CEP112: variants seen among roughly 807,000 people sequenced by gnomAD.
CEP112 encodes the protein centrosomal protein of 112 kDa.
Under a neutral mutation model 153.0 loss-of-function variants are expected in CEP112, and 127 were observed. The observed-to-expected ratio is 0.83, with a 90% CI of 0.72 to 0.96. CEP112 has a LOEUF of 0.96. CEP112 is among the 40% of genes least tolerant of loss of function. CEP112 has a pLI of 0.00. For synonymous variants in CEP112, 358 were observed against 374.4 expected (o/e 0.96, Z 0.51); for missense variants, 1,089 against 1,101.2 (o/e 0.99, Z 0.16).
At chr17:65,845,822 T>A (rs2057707283) in intron 21 of CEP112, among the ~76,000 whole-genome samples, 1 of 152,196 alleles carries the variant, frequency 6.6e-6, no homozygotes, top group Non-Finnish European at 1.5e-5. Context: ...ATGTCAATCA[T>A]TTACTCTCTT....
chr17:66,168,296 T>C (rs2072068062), intron 4 of CEP112, among the ~76,000 whole-genome samples: 1 of 152,078 alleles, frequency 6.6e-6, no homozygotes, highest in South Asian at 2.1e-4. Context: ...CTAAAACACA[T>C]ATACACAAAC....
chr17:66,028,574 T>C (rs1345690975), intron 14 of CEP112, among the ~76,000 whole-genome samples, 169 bp from the exon 15 acceptor site: 1 of 151,920 alleles, frequency 6.6e-6, no homozygotes, highest in Non-Finnish European at 1.5e-5. Context: ...AAAAATAATC[T>C]TTTAAAGTAA....
chr17:65,937,568 G>GC (rs2144392788), intron 18 of CEP112, among the ~76,000 whole-genome samples: 1 of 49,398 alleles, frequency 2.0e-5, no homozygotes, highest in African/African-American at 7.0e-5. Flanking sequence ...GAGGGAGGTG[G>GC]GGGGGGTCAG....
chr17:65,878,115 A>C (rs1212125353), intron 20 of CEP112, among the ~76,000 whole-genome samples: 5 of 152,142 alleles, frequency 3.3e-5, no homozygotes, highest in Non-Finnish European at 7.4e-5. Flanking sequence ...AATATATACC[A>C]ATGTGACTAT....
rs571979338 is a variant in CEP112, at chr17:65,651,686, T to C, written c.2698-10621A>G. 6.7e-5 allele frequency among the ~76,000 whole-genome samples: 10 copies of C among 149,322 alleles called. No individual in the cohort carries two copies. The East Asian group carries it at 1.4e-3, about 21-fold the overall frequency. ...TTCTCCTTCCTTCCTTCCTTCCTTC[T>C]TTCCTTCCTTCCTTCCTTTCTTTTC... On this transcript the variant is annotated intron_variant, in intron 24 of 26. Transcript: ENST00000535342.
chr17:65,822,330 G>C (rs1297163320), intron 21 of CEP112, among the ~76,000 whole-genome samples: 4 of 152,030 alleles, frequency 2.6e-5, no homozygotes, highest in Admixed American at 2.6e-4. Flanking sequence ...TTGGTTCCAG[G>C]ACTCCGGTGA....
chr17:65,938,257 A>G (rs2061411153), intron 18 of CEP112, among the ~76,000 whole-genome samples: 1 of 142,690 alleles, frequency 7.0e-6, no homozygotes, highest in African/African-American at 2.6e-5. Context: ...CCTAATCTCA[A>G]GTACCCAGGG....
intron 24 of CEP112, among the ~76,000 whole-genome samples, chr17:65,659,143 T>G (rs1397899235): frequency 6.6e-6 from 1 of 151,550 alleles, no homozygotes; most frequent in Non-Finnish European, 1.5e-5. Flanking sequence ...TGATCAACAG[T>G]GCTACAGATA....
At chr17:66,150,364 A>AT (rs113687658) in intron 4 of CEP112, among the ~76,000 whole-genome samples, 36,664 of 150,758 alleles carry the variant, frequency 0.24, 4,611 homozygotes, top group Middle Eastern at 0.36. Context: ...TGCCCAGCTA[A>AT]TTTTTTTTTG....
chr17:66,148,978 G>A (rs553225133), intron 4 of CEP112, among the ~76,000 whole-genome samples: 1 of 152,214 alleles, frequency 6.6e-6, no homozygotes, highest in Admixed American at 6.5e-5. Context: ...AATAGATGGC[G>A]TTTATTTTGC....
chr17:65,921,860 G>T (rs2060740819), intron 19 of CEP112, among the ~76,000 whole-genome samples: 1 of 152,020 alleles, frequency 6.6e-6, no homozygotes, highest in Non-Finnish European at 1.5e-5. Context: ...AAAAGCCTTT[G>T]AAGTTTACAT....
chr17:66,090,669 A>G (rs2068098608), intron 8 of CEP112, among the ~76,000 whole-genome samples: 1 of 152,126 alleles, frequency 6.6e-6, no homozygotes. Context: ...AACAAATTAC[A>G]AAACAGAAGT....
At chr17:65,801,654 G>A (rs905285896) in intron 21 of CEP112, among the ~76,000 whole-genome samples, 2 of 152,212 alleles carry the variant, frequency 1.3e-5, no homozygotes, top group Non-Finnish European at 2.9e-5. Context: ...AGAATTCTTG[G>A]TTAACAGTGT....
At chr17:65,920,030 T>A (rs1409641645) in intron 19 of CEP112, among the ~76,000 whole-genome samples, 4 of 151,778 alleles carry the variant, frequency 2.6e-5, no homozygotes, top group African/African-American at 9.7e-5. Context: ...ATGAAAACAA[T>A]AAACAGTGTA....
intron 9 of CEP112, 27 bp from the exon 10 acceptor site, chr17:66,066,904 T>C (rs2067141711): frequency 7.2e-7 from 1 of 1,384,858 alleles, no homozygotes; most frequent in Non-Finnish European, 9.7e-7. Context: ...AATATTTCAG[T>C]ATATTGTACT....
intron 21 of CEP112, among the ~76,000 whole-genome samples, chr17:65,848,780 T>C (rs997577138): frequency 3.3e-5 from 5 of 152,214 alleles, no homozygotes; most frequent in East Asian, 1.9e-4. Context: ...ACTTCTACAT[T>C]CCTGATCGAT....
chr17:65,928,193 C>CT (rs1177823265), intron 18 of CEP112, among the ~76,000 whole-genome samples: 3 of 152,178 alleles, frequency 2.0e-5, no homozygotes, highest in African/African-American at 7.2e-5. Flanking sequence ...ACATCACTGT[C>CT]TTTAAGCAAC....
At chr17:65,971,500 T>C (rs1422456981) in intron 17 of CEP112, among the ~76,000 whole-genome samples, 5 of 150,516 alleles carry the variant, frequency 3.3e-5, no homozygotes, top group African/African-American at 9.8e-5. Context: ...ATGTCATACA[T>C]ATCACACATG....
At chr17:66,176,033 A>G (rs979091617) in intron 3 of CEP112, among the ~76,000 whole-genome samples, 4 of 152,234 alleles carry the variant, frequency 2.6e-5, no homozygotes, top group African/African-American at 7.2e-5. Flanking sequence ...TAAATGACAT[A>G]GTCATTAAAA....
Sources: allele counts gnomAD v4.1 joint callset (sites outside exome capture counted in the v4.1 genomes callset), GRCh38; gene constraint gnomAD v4.1.1; transcripts MANE v1.5; gene names NCBI Gene and HGNC (gene_info 2026-07-23, HGNC 2026-07-21).